The following NELL2 variants were observed in gnomAD, a reference collection of about 807,000 sequenced individuals.
The protein encoded by NELL2 is protein kinase C-binding protein NELL2.
In NELL2, 41 loss-of-function variants were observed where a neutral mutation model predicts 109.6. The ratio of observed to expected loss-of-function variants is 0.37; its 90% CI spans 0.29 to 0.49. The LOEUF is 0.49. Among genes scored for constraint, NELL2 ranks in the 20% least tolerant of loss-of-function variants. The probability of loss-of-function intolerance (pLI) is 0.98; values close to 1 mark genes in which losing one functional copy is unlikely to be tolerated. For missense variants in NELL2, 900 were observed against 1,008.3 expected, an observed-to-expected ratio of 0.89 and a Z score of 1.45; for synonymous variants, 355 against 344.7, an observed-to-expected ratio of 1.03 and a Z score of -0.33.
chr12:44,803,345 G>C (rs1010545623), intron 3 of NELL2, among the ~76,000 whole-genome samples: 4 of 152,014 alleles, frequency 2.6e-5, no homozygotes, highest in African/African-American at 4.8e-5. Flanking sequence ...CTGTAGATTA[G>C]ATAATATTGT....
chr12:44,685,324 G>A (rs984168428), intron 12 of NELL2, among the ~76,000 whole-genome samples: 2 of 151,754 alleles, frequency 1.3e-5, no homozygotes, highest in African/African-American at 4.9e-5. Flanking sequence ...ACGTGAGATG[G>A]GTTTCCTGAA....
intron 13 of NELL2, among the ~76,000 whole-genome samples, chr12:44,635,298 T>C (rs991955578): frequency 6.6e-6 from 1 of 152,232 alleles, no homozygotes; most frequent in Non-Finnish European, 1.5e-5. Context: ...TAGATCCCAT[T>C]TGTCAATTGT....
chr12:44,523,633 T>C, intron 16 of NELL2, 149 bp from the exon 17 acceptor site: 1 of 633,374 alleles, frequency 1.6e-6, no homozygotes, highest in Non-Finnish European at 2.7e-6. Flanking sequence ...AAATGTTGAC[T>C]AAAGCAATGT....
At chr12:44,567,189 A>C (rs1037368113) in intron 15 of NELL2, among the ~76,000 whole-genome samples, 1 of 152,246 alleles carries the variant, frequency 6.6e-6, no homozygotes, top group Non-Finnish European at 1.5e-5. Flanking sequence ...ATGAATCAGG[A>C]TAAAAAGTAC....
intron 19 of NELL2, among the ~76,000 whole-genome samples, chr12:44,518,034 T>C (rs1281660092): frequency 1.3e-5 from 2 of 152,106 alleles, no homozygotes; most frequent in Non-Finnish European, 2.9e-5. Context: ...TGAGATAAAT[T>C]TGACAAAACT....
intron 13 of NELL2, among the ~76,000 whole-genome samples, chr12:44,663,264 A>G (rs1414828081): frequency 1.3e-5 from 2 of 152,142 alleles, no homozygotes; most frequent in African/African-American, 4.8e-5. Context: ...AAAAAAAATA[A>G]GCTTTGGCAA....
chr12:44,750,661 G>T (rs1940610491), intron 9 of NELL2, among the ~76,000 whole-genome samples: 1 of 152,036 alleles, frequency 6.6e-6, no homozygotes, highest in Non-Finnish European at 1.5e-5. Flanking sequence ...CTCTCCCAGG[G>T]TAATAGCAGC....
rs557587935 is a variant in NELL2 at position 44,696,240 on chromosome 12, T to C, written c.1318+7486A>G. Among the ~76,000 whole-genome samples, 6 of 152,330 alleles carry C rather than the reference T, an allele frequency of 3.9e-5. No homozygotes were observed. The Middle Eastern group carries it at 0.017, about 432-fold the overall frequency. On this transcript the variant is annotated intron_variant, in intron 12 of 19. Transcript: ENST00000429094. ...GAACTAGATGTCTAAGATGTCTAAA[T>C]ACAAAAACTTATTAGTTAATGTTTG...
intron 15 of NELL2, among the ~76,000 whole-genome samples, chr12:44,597,199 C>G (rs1433774678): frequency 1.3e-5 from 2 of 152,094 alleles, no homozygotes; most frequent in Non-Finnish European, 2.9e-5. Flanking sequence ...AATCTAATCC[C>G]AAATCCACAC....
rs1437433510 is a variant in NELL2, at chr12:44,651,184, G to A, written c.1444+14300C>T. The stretch of plus-strand genomic sequence containing the variant: ...AAACCATCCCTACCCCACCCCACTT[G>A]TCCATGGAAAAAACTGTCTTCCATG... On this transcript the variant is annotated intron_variant, in intron 13 of 19. Transcript: ENST00000429094. Among the ~76,000 whole-genome samples, 13 of 152,180 alleles carry A rather than the reference G, an allele frequency of 8.5e-5. 1 individual carries two copies. Among genetic ancestry groups the A allele is most frequent in the Admixed American group, 8.5e-4 (13 of 15,276 alleles).
intron 13 of NELL2, among the ~76,000 whole-genome samples, chr12:44,662,219 G>A (rs1454383128): frequency 2.6e-5 from 4 of 152,102 alleles, no homozygotes; most frequent in African/African-American, 4.8e-5. Context: ...CTGATTTAGG[G>A]TCATTATTAT....
chr12:44,913,416 C>T (rs1275191038), intron 1 of NELL2, among the ~76,000 whole-genome samples: 1 of 152,052 alleles, frequency 6.6e-6, no homozygotes, highest in African/African-American at 2.4e-5. Context: ...TTCAGATTTT[C>T]CATGATGGCA....
chr12:44,913,746 T>C, intron 1 of NELL2: 1 of 691,752 alleles, frequency 1.4e-6, no homozygotes, highest in Non-Finnish European at 2.3e-6. Context: ...TAAAGAATTT[T>C]TAAAATGGTG....
chr12:44,557,872 TA>T (rs1205364252), intron 15 of NELL2, among the ~76,000 whole-genome samples: 1 of 152,004 alleles, frequency 6.6e-6, no homozygotes, highest in Non-Finnish European at 1.5e-5. Context: ...CCCCGAGCAG[TA>T]AAAGTAGAAA....
At position 44,610,980 on chromosome 12, in the gene NELL2, G is replaced by C; in HGVS notation, c.1445-10C>G. Reference sequence around the variant, plus strand: ...ATACACTCATCATGTTCTGAAATGAGGAATACAATTTTGTTACTCAAAGTT... The same window carrying C: ...ATACACTCATCATGTTCTGAAATGACGAATACAATTTTGTTACTCAAAGTT... On this transcript the variant is annotated splice_polypyrimidine_tract_variant and intron_variant, in intron 13 of 19. Transcript: ENST00000429094. 6.2e-7 allele frequency: 1 copy of C among 1,610,612 alleles called. No homozygotes were observed. The highest frequency in any genetic ancestry group is 8.5e-7 in the Non-Finnish European group (1 of 1,177,702).
intron 16 of NELL2, among the ~76,000 whole-genome samples, chr12:44,531,170 T>C (rs898913122): frequency 6.6e-6 from 1 of 152,048 alleles, no homozygotes; most frequent in Non-Finnish European, 1.5e-5. Flanking sequence ...GTGGAAAAGA[T>C]GGGGAAAGGG....
At chr12:44,910,976 A>G (rs954424920) in intron 1 of NELL2, among the ~76,000 whole-genome samples, 3 of 151,964 alleles carry the variant, frequency 2.0e-5, no homozygotes, top group African/African-American at 7.2e-5. Flanking sequence ...AAAGATGGCA[A>G]TAATAGACAC....
At chr12:44,625,889 T>A (rs994373962) in intron 13 of NELL2, among the ~76,000 whole-genome samples, 4 of 152,082 alleles carry the variant, frequency 2.6e-5, no homozygotes, top group Non-Finnish European at 5.9e-5. Flanking sequence ...ACACAAGCAG[T>A]TAGTATTTTT....
chr12:44,743,472 G>A (rs1253335955), intron 9 of NELL2, among the ~76,000 whole-genome samples: 1 of 151,086 alleles, frequency 6.6e-6, no homozygotes, highest in Non-Finnish European at 1.5e-5. Flanking sequence ...AAATGTTAAT[G>A]GGCTAAATGC....
Sources: allele counts gnomAD v4.1 joint callset (sites outside exome capture counted in the v4.1 genomes callset), GRCh38; gene constraint gnomAD v4.1.1; transcripts MANE v1.5; gene names NCBI Gene and HGNC (gene_info 2026-07-23, HGNC 2026-07-21).